Variants in MAF observed in about 807,000 individuals in gnomAD.
MAF encodes MAF bZIP transcription factor, also known as transcription factor Maf.
MAF carries 10 observed loss-of-function variants against 22.0 expected under a neutral mutation model. The ratio of observed to expected loss-of-function variants is 0.45; its 90% CI spans 0.28 to 0.77. The LOEUF (loss-of-function observed/expected upper bound fraction) is 0.77, where lower values mean the gene tolerates loss of function less well. Ranked by LOEUF, MAF falls within the 30% of genes least tolerant of loss-of-function variation. MAF has a pLI of 0.12. For missense variants in MAF, 544 were observed against 548.4 expected, an observed-to-expected ratio of 0.99 and a Z score of 0.08; for synonymous variants, 337 against 255.8, an observed-to-expected ratio of 1.32 and a Z score of -3.03.
At chr16:79,349,892 G>A in the MAF span, among the ~76,000 whole-genome samples, 2 of 152,216 alleles carry the variant, frequency 1.3e-5, no homozygotes, top group South Asian at 4.2e-4. Flanking sequence ...AAGCACACAC[G>A]CTCTATGCTC....
At chr16:79,496,250 A>T in the MAF span, among the ~76,000 whole-genome samples, 1 of 152,218 alleles carries the variant, frequency 6.6e-6, no homozygotes, top group African/African-American at 2.4e-5. Flanking sequence ...GAAAGAGAAT[A>T]GGGAATTCCA....
the MAF span, among the ~76,000 whole-genome samples, chr16:79,571,936 G>A: frequency 6.6e-6 from 1 of 152,022 alleles, no homozygotes; most frequent in African/African-American, 2.4e-5. Context: ...CCCTTTCTTT[G>A]CCAGCCCCTG....
chr16:79,301,528 C>T, the MAF span, among the ~76,000 whole-genome samples: 13 of 152,098 alleles, frequency 8.5e-5, no homozygotes, highest in African/African-American at 2.7e-4. Context: ...GATGAGACTA[C>T]GTGAGGATGT....
chr16:79,338,220 T>G, the MAF span, among the ~76,000 whole-genome samples: 1 of 152,162 alleles, frequency 6.6e-6, no homozygotes, highest in African/African-American at 2.4e-5. Context: ...CCATGATACG[T>G]GTGGAAGAAT....
chr16:79,304,045 T>C, the MAF span, among the ~76,000 whole-genome samples: 1 of 152,196 alleles, frequency 6.6e-6, no homozygotes, highest in Non-Finnish European at 1.5e-5. Context: ...ATTTCCTCTA[T>C]AAAGAAATAT....
the MAF span, among the ~76,000 whole-genome samples, chr16:79,495,646 C>A: frequency 6.6e-6 from 1 of 152,178 alleles, no homozygotes; most frequent in African/African-American, 2.4e-5. Context: ...TTCTGCCTGC[C>A]GCGACTGTTA....
the MAF span, among the ~76,000 whole-genome samples, chr16:79,436,959 A>G: frequency 6.6e-6 from 1 of 152,198 alleles, no homozygotes; most frequent in Admixed American, 6.5e-5. Flanking sequence ...TACTCCTTTG[A>G]AAGTGAGAGA....
At chr16:79,587,201 A>G (rs372200903) in intron 1 of MAF, among the ~76,000 whole-genome samples, 220 of 152,300 alleles carry the variant, frequency 1.4e-3, no homozygotes, top group African/African-American at 4.9e-3. Context: ...GTTTATTCAC[A>G]TTTTGTATAG....
At chr16:79,296,576 G>C in the MAF span, among the ~76,000 whole-genome samples, 1 of 151,750 alleles carries the variant, frequency 6.6e-6, no homozygotes, top group African/African-American at 2.4e-5. Context: ...TAGGCATTTC[G>C]GCAGCTTCCT....
At chr16:79,412,556 G>T in the MAF span, among the ~76,000 whole-genome samples, 1 of 152,324 alleles carries the variant, frequency 6.6e-6, no homozygotes, top group East Asian at 1.9e-4. Context: ...GCAGGATATT[G>T]AATAGGATTC....
chr16:79,333,112 G>T, the MAF span, among the ~76,000 whole-genome samples: 1 of 152,122 alleles, frequency 6.6e-6, no homozygotes, highest in Non-Finnish European at 1.5e-5. Flanking sequence ...CCATCTCAGC[G>T]GGAGATGGTG....
chr16:79,486,869 A>G, the MAF span, among the ~76,000 whole-genome samples: 1 of 152,162 alleles, frequency 6.6e-6, no homozygotes, highest in Non-Finnish European at 1.5e-5. Context: ...ACTCGTAGCT[A>G]CTCCATGGCC....
the MAF span, among the ~76,000 whole-genome samples, chr16:79,342,495 G>T: frequency 6.6e-6 from 1 of 151,856 alleles, no homozygotes; most frequent in Admixed American, 6.6e-5. Context: ...CCAAGAGGTG[G>T]CCCTAAATTT....
chr16:79,600,088 C>G lies in MAF; in HGVS notation c.-186G>C. 1 of 649,012 alleles carries G rather than the reference C, an allele frequency of 1.5e-6. No homozygotes were observed. Among genetic ancestry groups the G allele is most frequent in the South Asian group, 2.2e-5 (1 of 45,858 alleles). 40.2% of individuals were successfully genotyped at this position (649,012 alleles called of 1,614,324 possible). ...CACACACACACCCCCCCGCCCTGCC[C>G]GCGCCCCCCGCGCCCGCCCTCCCTC... On this transcript the variant is annotated 5_prime_UTR_variant, in exon 1 of 2. Transcript: ENST00000326043.
the MAF span, among the ~76,000 whole-genome samples, chr16:79,470,246 T>G: frequency 6.6e-6 from 1 of 152,230 alleles, no homozygotes; most frequent in East Asian, 1.9e-4. Context: ...CCCTTTCCTT[T>G]GTCCTCTGAA....
the MAF span, among the ~76,000 whole-genome samples, chr16:79,359,578 G>C: frequency 6.6e-6 from 1 of 152,194 alleles, no homozygotes; most frequent in East Asian, 1.9e-4. Flanking sequence ...GCTGTTCTTT[G>C]AATGCACCCA....
chr16:79,316,321 G>C, the MAF span, among the ~76,000 whole-genome samples: 1 of 152,204 alleles, frequency 6.6e-6, no homozygotes, highest in African/African-American at 2.4e-5. Flanking sequence ...CAATGTTCTA[G>C]ATGCATCTCT....
the MAF span, among the ~76,000 whole-genome samples, chr16:79,383,404 T>C: frequency 1.3e-5 from 2 of 152,038 alleles, no homozygotes; most frequent in East Asian, 3.9e-4. Context: ...TTAAATGTCT[T>C]GGTTTAAAAA....
the MAF span, among the ~76,000 whole-genome samples, chr16:79,446,349 AT>A: frequency 3.3e-5 from 5 of 152,030 alleles, no homozygotes; most frequent in Non-Finnish European, 7.4e-5. Flanking sequence ...GTAACCTGAG[AT>A]TGCCCCTGCC....
Sources: gnomAD v4.1 joint callset for allele counts (sites outside exome capture counted in the v4.1 genomes callset) on GRCh38, gnomAD v4.1.1 for gene constraint, MANE v1.5 for transcripts, NCBI Gene and HGNC (gene_info 2026-07-23, HGNC 2026-07-21) for gene names.